Variants in SAMMSON observed in about 807,000 individuals in gnomAD.
SAMMSON encodes the protein survival associated mitochondrial melanoma specific oncogenic non-coding RNA.
At chr3:70,334,798 C>G (rs548434442) in intron 7 of SAMMSON, among the ~76,000 whole-genome samples, 1 of 152,176 alleles carries the variant, frequency 6.6e-6, no homozygotes, top group South Asian at 2.1e-4. Flanking sequence ...ATGTTTAAAC[C>G]TTAACTACTA....
At chr3:70,242,871 G>T (rs1429388922) in intron 4 of SAMMSON, among the ~76,000 whole-genome samples, 2 of 152,048 alleles carry the variant, frequency 1.3e-5, no homozygotes, top group Non-Finnish European at 2.9e-5. Context: ...CAAATGTCTT[G>T]GCCATCTGTG....
chr3:70,366,906 T>G (rs1702925082), intron 9 of SAMMSON, among the ~76,000 whole-genome samples: 1 of 151,718 alleles, frequency 6.6e-6, no homozygotes, highest in Admixed American at 6.6e-5. Flanking sequence ...TTGTTTTAAT[T>G]TGCATTTTCT....
At chr3:70,024,202 G>C (rs1017084799) in intron 3 of SAMMSON, among the ~76,000 whole-genome samples, 1 of 152,070 alleles carries the variant, frequency 6.6e-6, no homozygotes, top group Non-Finnish European at 1.5e-5. Context: ...ACAATGAGCG[G>C]TACAAGTCTA....
At chr3:70,262,825 C>T (rs1046709795) in intron 6 of SAMMSON, among the ~76,000 whole-genome samples, 1 of 152,098 alleles carries the variant, frequency 6.6e-6, no homozygotes, top group African/African-American at 2.4e-5. Flanking sequence ...TCCTTCAAAA[C>T]TATGTTAGAT....
intron 7 of SAMMSON, among the ~76,000 whole-genome samples, chr3:70,331,543 G>A (rs1702621507): frequency 1.3e-5 from 2 of 152,130 alleles, no homozygotes; most frequent in East Asian, 1.9e-4. Context: ...GATAGATAAG[G>A]AAGAAAATTC....
At chr3:70,052,875 C>T (rs915413424) in intron 3 of SAMMSON, among the ~76,000 whole-genome samples, 4 of 152,104 alleles carry the variant, frequency 2.6e-5, no homozygotes, top group African/African-American at 4.8e-5. Context: ...TGTATTCCAA[C>T]GTTAATGCGT....
intron 3 of SAMMSON, among the ~76,000 whole-genome samples, chr3:70,064,576 C>A (rs1043243615): frequency 6.6e-6 from 1 of 152,056 alleles, no homozygotes; most frequent in East Asian, 1.9e-4. Flanking sequence ...AGCTGGAGGA[C>A]TCTTCTAATT....
intron 9 of SAMMSON, among the ~76,000 whole-genome samples, chr3:70,376,628 C>G (rs1315957063): frequency 6.6e-6 from 1 of 152,046 alleles, no homozygotes; most frequent in Non-Finnish European, 1.5e-5. Flanking sequence ...TCTAGGATTT[C>G]AACTTCACGA....
chr3:70,352,110 CAAAA>C (rs71126499), intron 7 of SAMMSON, among the ~76,000 whole-genome samples: 11 of 138,926 alleles, frequency 7.9e-5, no homozygotes, highest in Non-Finnish European at 7.8e-5. Flanking sequence ...CTCAATCTGG[CAAAA>C]AAAAAAAAAA....
At chr3:70,263,791 C>A (rs1305146365) in intron 6 of SAMMSON, among the ~76,000 whole-genome samples, 2 of 152,168 alleles carry the variant, frequency 1.3e-5, no homozygotes, top group African/African-American at 2.4e-5. Context: ...CTGGCTCCAT[C>A]TGGGTTCCCG....
intron 7 of SAMMSON, among the ~76,000 whole-genome samples, chr3:70,339,166 T>C: frequency 6.6e-6 from 1 of 152,150 alleles, no homozygotes; most frequent in Non-Finnish European, 1.5e-5. Context: ...ATTTCCTATT[T>C]AATAAATGGT....
At chr3:70,131,327 G>C (rs932413189) in intron 4 of SAMMSON, among the ~76,000 whole-genome samples, 2 of 152,176 alleles carry the variant, frequency 1.3e-5, no homozygotes, top group Admixed American at 1.3e-4. Flanking sequence ...CCAGAAGAAA[G>C]AGACTTCTGT....
chr3:70,340,916 T>G (rs1025287031), intron 7 of SAMMSON, among the ~76,000 whole-genome samples: 1 of 152,156 alleles, frequency 6.6e-6, no homozygotes, highest in Non-Finnish European at 1.5e-5. Context: ...GGTCATTTGG[T>G]GGACCCCAAC....
intron 4 of SAMMSON, among the ~76,000 whole-genome samples, chr3:70,160,227 A>G (rs1246854956): frequency 1.3e-5 from 2 of 151,702 alleles, no homozygotes; most frequent in Non-Finnish European, 2.9e-5. Flanking sequence ...CTTGCCTAAT[A>G]CAAGGTCTTG....
chr3:70,071,155 C>G (rs928687503), intron 3 of SAMMSON, among the ~76,000 whole-genome samples: 13 of 152,064 alleles, frequency 8.5e-5, no homozygotes, highest in African/African-American at 3.1e-4. Context: ...GAATTAAAAT[C>G]ATTTGTAATT....
intron 4 of SAMMSON, among the ~76,000 whole-genome samples, chr3:70,218,330 G>A (rs919387303): frequency 2.6e-5 from 4 of 152,152 alleles, no homozygotes; most frequent in African/African-American, 7.2e-5. Flanking sequence ...TGTGCACATG[G>A]ATGTATATAG....
intron 4 of SAMMSON, among the ~76,000 whole-genome samples, chr3:70,227,018 C>T (rs1016839237): frequency 1.3e-5 from 2 of 152,090 alleles, no homozygotes; most frequent in Non-Finnish European, 2.9e-5. Flanking sequence ...CGAAAAAATA[C>T]ATGCATCTTT....
chr3:70,253,966 A>G (rs879105964), intron 6 of SAMMSON, among the ~76,000 whole-genome samples: 1 of 152,204 alleles, frequency 6.6e-6, no homozygotes, highest in African/African-American at 2.4e-5. Flanking sequence ...GCTCTGTGGC[A>G]TAATATAGCT....
At chr3:70,186,804 T>A (rs1701095575) in intron 4 of SAMMSON, among the ~76,000 whole-genome samples, 1 of 152,224 alleles carries the variant, frequency 6.6e-6, no homozygotes, top group South Asian at 2.1e-4. Context: ...TCTCTTGCCA[T>A]TCTTTTATAT....
Sources: allele counts gnomAD v4.1 joint callset (sites outside exome capture counted in the v4.1 genomes callset), GRCh38; gene constraint gnomAD v4.1.1; transcripts MANE v1.5; gene names NCBI Gene and HGNC (gene_info 2026-07-23, HGNC 2026-07-21).